ACTR3C: variants seen among roughly 807,000 people sequenced by gnomAD.
ACTR3C encodes actin-related protein 3C.
A neutral mutation model predicts 26.3 loss-of-function variants in ACTR3C; 18 were observed. That is an observed-to-expected ratio of 0.68 (90% CI 0.47 to 1.01). The LOEUF is 1.01. Ranked by LOEUF, ACTR3C falls within the 50% of genes least tolerant of loss-of-function variation. The probability of loss-of-function intolerance (pLI) is 0.00; values close to 1 mark genes in which losing one functional copy is unlikely to be tolerated. For synonymous variants in ACTR3C, 55 were observed against 94.5 expected, an observed-to-expected ratio of 0.58 and a Z score of 2.42; for missense variants, 184 against 250.7, an observed-to-expected ratio of 0.73 and a Z score of 1.80.
chr7:150,136,311 C>A, the ACTR3C span, among the ~76,000 whole-genome samples: 4 of 152,174 alleles, frequency 2.6e-5, no homozygotes, highest in Admixed American at 2.6e-4. Context: ...ATGAATGAGA[C>A]ACACGTTTTC....
the ACTR3C span, among the ~76,000 whole-genome samples, chr7:150,083,190 C>T: frequency 1.3e-5 from 2 of 151,400 alleles, no homozygotes; most frequent in Admixed American, 1.3e-4. Context: ...TGACCTCAAA[C>T]AATCCTCAGC....
intron 6 of ACTR3C, among the ~76,000 whole-genome samples, chr7:150,256,425 C>A (rs1367569513): frequency 6.6e-6 from 1 of 152,246 alleles, no homozygotes; most frequent in Non-Finnish European, 1.5e-5. Flanking sequence ...TGCAACCTCG[C>A]CAATATCTGT....
the ACTR3C span, among the ~76,000 whole-genome samples, chr7:150,114,943 A>C: frequency 7.2e-5 from 11 of 152,124 alleles, no homozygotes; most frequent in Admixed American, 2.6e-4. Flanking sequence ...TTTGAAATAA[A>C]GAGTTTTCTT....
chr7:150,284,791 G>A lies in ACTR3C; in HGVS notation c.526C>T (p.Gln176Ter), dbSNP rs773672424. ...SISDVVDEVI[Q>*]NCPIDVRRPL... ...CGCCGCACATCGATGGGGCAGTTCT[G>A]TATTACTTCATCAACAACATCTGAG... Residue 176 changes from glutamine (Q) to a stop codon, truncating the protein, a stop_gained, in exon 6 of 8, where the codon CAG (glutamine) becomes TAG (stop). Coordinates refer to ENST00000683684, the MANE Select transcript of ACTR3C (RefSeq NM_001164458.2). LOFTEE classifies it high-confidence loss of function. 124 of 1,613,308 alleles carry A rather than the reference G, an allele frequency of 7.7e-5. No individual in the cohort carries two copies. The highest frequency in any genetic ancestry group is 9.6e-5 in the Non-Finnish European group (113 of 1,179,684).
the ACTR3C span, among the ~76,000 whole-genome samples, chr7:150,006,154 G>T: frequency 7.8e-6 from 1 of 128,596 alleles, no homozygotes; most frequent in African/African-American, 3.2e-5. Flanking sequence ...GAACCTAAAG[G>T]CTTCCCAATA....
At chr7:150,041,643 C>T in the ACTR3C span, among the ~76,000 whole-genome samples, 45 of 110,578 alleles carry the variant, frequency 4.1e-4, no homozygotes, top group African/African-American at 9.4e-4. Flanking sequence ...TGCCTCCCCC[C>T]CCCTGCGATG....
chr7:150,224,784 G>A, the ACTR3C span, among the ~76,000 whole-genome samples: 6 of 152,152 alleles, frequency 3.9e-5, no homozygotes, highest in Non-Finnish European at 5.9e-5. Context: ...AGGGCAGAGC[G>A]TTTGCATACA....
the ACTR3C span, among the ~76,000 whole-genome samples, chr7:150,086,986 G>A: frequency 2.6e-5 from 4 of 152,266 alleles, no homozygotes; most frequent in African/African-American, 9.6e-5. Context: ...TTATTTCCCT[G>A]TGCAATCCTT....
chr7:149,968,490 A>G, the ACTR3C span, among the ~76,000 whole-genome samples: 2 of 152,270 alleles, frequency 1.3e-5, no homozygotes, highest in South Asian at 4.1e-4. Context: ...CTGAGATTGT[A>G]CCACTGCACT....
chr7:149,929,479 G>A, the ACTR3C span, among the ~76,000 whole-genome samples: 32 of 147,954 alleles, frequency 2.2e-4, 1 homozygote, highest in African/African-American at 7.7e-4. Flanking sequence ...AAACTAATGG[G>A]TGAAAGTTGA....
the ACTR3C span, among the ~76,000 whole-genome samples, chr7:150,099,788 C>G: frequency 6.6e-6 from 1 of 151,542 alleles, no homozygotes. Context: ...ACCCTGAGTA[C>G]AGTGTAGCAA....
chr7:150,315,828 T>C (rs1402349211), intron 1 of ACTR3C, among the ~76,000 whole-genome samples: 2 of 140,148 alleles, frequency 1.4e-5, no homozygotes, highest in East Asian at 2.4e-4. Flanking sequence ...CCCAACACTA[T>C]ACTTTTTTTT....
At chr7:150,195,239 T>C in the ACTR3C span, among the ~76,000 whole-genome samples, 17 of 151,564 alleles carry the variant, frequency 1.1e-4, no homozygotes, top group Non-Finnish European at 2.2e-4. Flanking sequence ...CTTTTAACCA[T>C]GCTATAAATA....
At chr7:150,047,852 C>T in the ACTR3C span, 2 of 1,505,014 alleles carry the variant, frequency 1.3e-6, no homozygotes, top group Non-Finnish European at 1.8e-6. Flanking sequence ...ACAGCGAAGC[C>T]ATCGGGCACC....
the ACTR3C span, chr7:150,041,363 C>T: frequency 6.6e-6 from 1 of 150,722 alleles, no homozygotes; most frequent in Admixed American, 6.6e-5. Flanking sequence ...TGTTCCCGAG[C>T]TGCGTTCGGA....
the ACTR3C span, among the ~76,000 whole-genome samples, chr7:150,109,696 C>T: frequency 6.6e-6 from 1 of 150,404 alleles, no homozygotes; most frequent in Admixed American, 6.6e-5. Context: ...CACTGCACAT[C>T]CCAAGGGGAC....
At chr7:150,292,884 C>A (rs1291070886) in intron 3 of ACTR3C, among the ~76,000 whole-genome samples, 1 of 152,178 alleles carries the variant, frequency 6.6e-6, no homozygotes, top group Admixed American at 6.5e-5. Flanking sequence ...AGATGTGCTC[C>A]TTCAAATGGC....
chr7:150,000,800 C>T, the ACTR3C span: 1 of 138,790 alleles, frequency 7.2e-6, no homozygotes, highest in Admixed American at 7.3e-5. Context: ...AGCAGAAATC[C>T]AGTCCCCTCG....
the ACTR3C span, among the ~76,000 whole-genome samples, chr7:149,890,033 G>A: frequency 3.1e-3 from 471 of 152,098 alleles, 2 homozygotes; most frequent in African/African-American, 0.011. Flanking sequence ...ACATATATTC[G>A]TTATAGAGTT....
Sources: allele counts gnomAD v4.1 joint callset (sites outside exome capture counted in the v4.1 genomes callset), GRCh38; gene constraint gnomAD v4.1.1; transcripts MANE v1.5; gene names NCBI Gene and HGNC (gene_info 2026-07-23, HGNC 2026-07-21).